Variants in MYO5A observed in about 807,000 individuals in gnomAD.
MYO5A encodes the protein unconventional myosin-Va.
A neutral mutation model predicts 249.7 loss-of-function variants in MYO5A; 98 were observed. That is an observed-to-expected ratio of 0.39 (90% CI 0.33 to 0.46). The LOEUF is 0.46. Among genes scored for constraint, MYO5A ranks in the 20% least tolerant of loss-of-function variants. The pLI, the probability that MYO5A is intolerant of heterozygous loss-of-function variation, is 0.98. For synonymous variants in MYO5A, 778 were observed against 810.6 expected (o/e 0.96, Z 0.68); for missense variants, 1,696 against 2,308.8 (o/e 0.73, Z 5.44).
rs1209834232 is a variant in MYO5A at position 52,309,528 on chromosome 15, C to T, written c.*4168G>A. The T allele has an allele frequency of 1.3e-5, 2 of 152,216 alleles. No individual in the cohort carries two copies. Among genetic ancestry groups the T allele is most frequent in the African/African-American group, 4.8e-5 (2 of 41,428 alleles). 9.4% of individuals were successfully genotyped at this position (152,216 alleles called of 1,614,324 possible). A position where few individuals can be genotyped will look rare whatever the true frequency, so the allele number is the denominator to read the frequency against. Reference sequence around the variant, plus strand: ...ATCACAGGTGCCCACACCACCACTGCTCCATATGGGAAAGCAGGACAGCCA... The same window carrying T: ...ATCACAGGTGCCCACACCACCACTGTTCCATATGGGAAAGCAGGACAGCCA... On this transcript the variant is annotated 3_prime_UTR_variant, in exon 42 of 42. Coordinates refer to ENST00000399233, the MANE Select transcript of MYO5A (RefSeq NM_001382347.1).
In MYO5A at chr15:52,309,012, T is replaced by C. The variant is rs1404471376; in HGVS notation, c.*4684A>G. 6.6e-6 allele frequency: 1 copy of C among 152,444 alleles called. No homozygotes were observed. The highest frequency in any genetic ancestry group is 1.5e-5 in the Non-Finnish European group (1 of 68,206). The allele number at this position is 152,444 out of a possible 1,614,324, so 9.4% of individuals were successfully genotyped here. On this transcript the variant is annotated 3_prime_UTR_variant, in exon 42 of 42. Transcript: ENST00000399233. ...ACTGACTTGTATATGGCCTGCCCAG[T>C]GACAGCCCTCGGAAGGCACCCAGTG...
intron 31 of MYO5A, among the ~76,000 whole-genome samples, chr15:52,340,764 T>C (rs560243011): frequency 6.6e-6 from 1 of 152,052 alleles, no homozygotes; most frequent in Non-Finnish European, 1.5e-5. Context: ...CTGGCCAACA[T>C]AGCGAAACCC....
chr15:52,451,641 T>G (rs2076022566), intron 1 of MYO5A, among the ~76,000 whole-genome samples: 1 of 152,212 alleles, frequency 6.6e-6, no homozygotes, highest in Non-Finnish European at 1.5e-5. Flanking sequence ...AAGGGCCATC[T>G]GCACTACCTG....
intron 1 of MYO5A, among the ~76,000 whole-genome samples, chr15:52,454,850 A>T (rs1452265651): frequency 6.6e-6 from 1 of 152,178 alleles, no homozygotes; most frequent in Non-Finnish European, 1.5e-5. Context: ...TTATAGCAAT[A>T]AATGCCTACA....
chr15:52,320,890 G>A (rs1323980036), intron 38 of MYO5A, among the ~76,000 whole-genome samples: 1 of 152,074 alleles, frequency 6.6e-6, no homozygotes, highest in Non-Finnish European at 1.5e-5. Context: ...GCAGGCACCT[G>A]TAGTCCCAGC....
intron 1 of MYO5A, among the ~76,000 whole-genome samples, chr15:52,449,235 C>T (rs2075964301): frequency 1.3e-5 from 2 of 152,212 alleles, no homozygotes; most frequent in Non-Finnish European, 2.9e-5. Context: ...TCCCAAAGTG[C>T]TGGGATTACA....
intron 35 of MYO5A, among the ~76,000 whole-genome samples, chr15:52,330,151 T>C (rs1224963755): frequency 1.3e-5 from 2 of 152,078 alleles, no homozygotes; most frequent in Non-Finnish European, 2.9e-5. Context: ...GCAATCCTTG[T>C]AGGTGGGTCT....
chr15:52,404,508 C>T (rs1314490696), intron 9 of MYO5A, among the ~76,000 whole-genome samples: 1 of 152,024 alleles, frequency 6.6e-6, no homozygotes, highest in Non-Finnish European at 1.5e-5. Context: ...TAAATTAAGG[C>T]CTTAATTAAG....
intron 1 of MYO5A, among the ~76,000 whole-genome samples, chr15:52,515,780 T>C (rs2077484605): frequency 6.6e-6 from 1 of 152,100 alleles, no homozygotes; most frequent in Non-Finnish European, 1.5e-5. Context: ...GGTTTGGAAG[T>C]CATCAGCACA....
chr15:52,319,848 T>C (rs1378441937), intron 38 of MYO5A, among the ~76,000 whole-genome samples: 1 of 152,260 alleles, frequency 6.6e-6, no homozygotes, highest in African/African-American at 2.4e-5. Context: ...AAATTTACTA[T>C]GAATCTAAGT....
chr15:52,360,848 G>C (rs2040485095), intron 24 of MYO5A, among the ~76,000 whole-genome samples: 1 of 152,110 alleles, frequency 6.6e-6, no homozygotes, highest in Admixed American at 6.5e-5. Context: ...TAAAAGGCTG[G>C]GCTCTTAGCA....
intron 1 of MYO5A, among the ~76,000 whole-genome samples, chr15:52,526,739 A>C (rs141065711): frequency 0.011 from 1,726 of 152,320 alleles, 13 homozygotes; most frequent in Middle Eastern, 0.027. Context: ...AGATTGTGAT[A>C]AAGCTGTGAC....
At chr15:52,375,230 T>G (rs2041345478) in intron 20 of MYO5A, 74 bp downstream of exon 20, 1 of 1,474,390 alleles carries the variant, frequency 6.8e-7, no homozygotes, top group Non-Finnish European at 9.5e-7. Context: ...GTAGCCCCTG[T>G]GGTACTCTGT....
chr15:52,472,239 C>T (rs1198816038), intron 1 of MYO5A, among the ~76,000 whole-genome samples: 5 of 152,018 alleles, frequency 3.3e-5, no homozygotes, highest in Admixed American at 6.6e-5. Flanking sequence ...CCACCACGCC[C>T]GGCTAATTTT....
At chr15:52,349,393 T>A (rs1242382906) in intron 28 of MYO5A, among the ~76,000 whole-genome samples, 1 of 151,772 alleles carries the variant, frequency 6.6e-6, no homozygotes, top group African/African-American at 2.4e-5. Flanking sequence ...AAGATCTTAA[T>A]TAGTGTCAAG....
intron 1 of MYO5A, among the ~76,000 whole-genome samples, chr15:52,444,479 A>G (rs1484135982): frequency 2.6e-5 from 4 of 152,232 alleles, no homozygotes; most frequent in African/African-American, 9.6e-5. Flanking sequence ...TCCTTATTCA[A>G]CAAAACACTT....
chr15:52,307,763 C>A lies in MYO5A; in HGVS notation c.*5933G>T, dbSNP rs941719906. ...ATGTCCATTTCATAGTAAATTAATA[C>A]AGTTAATAATTAAAATACAATATGT... is the stretch of plus-strand genomic sequence containing the variant. On this transcript the variant is annotated 3_prime_UTR_variant, in exon 42 of 42. Transcript: ENST00000399233. 6.6e-6 allele frequency: 1 copy of A among 151,936 alleles called. No homozygotes were observed. Among genetic ancestry groups the A allele is most frequent in the Admixed American group, 6.6e-5 (1 of 15,260 alleles). The allele number at this position is 151,936 out of a possible 1,614,324, so 9.4% of individuals were successfully genotyped here.
chr15:52,519,750 A>G (rs893776914), intron 1 of MYO5A, among the ~76,000 whole-genome samples: 2 of 150,732 alleles, frequency 1.3e-5, no homozygotes, highest in African/African-American at 4.9e-5. Flanking sequence ...TTTTTTTTTG[A>G]GACAGAGTCT....
At chr15:52,354,546 T>G (rs1372804835) in intron 25 of MYO5A, among the ~76,000 whole-genome samples, 1 of 152,174 alleles carries the variant, frequency 6.6e-6, no homozygotes, top group Non-Finnish European at 1.5e-5. Flanking sequence ...CTGTGAAATA[T>G]TTTTTAGCTG....
Sources: gnomAD v4.1 joint callset for allele counts (sites outside exome capture counted in the v4.1 genomes callset) on GRCh38, gnomAD v4.1.1 for gene constraint, MANE v1.5 for transcripts, NCBI Gene and HGNC (gene_info 2026-07-23, HGNC 2026-07-21) for gene names.